Variants in SESTD1 observed in about 807,000 individuals in gnomAD.
SESTD1 encodes the protein SEC14 and spectrin domain containing 1, also known as SEC14 domain and spectrin repeat-containing protein 1.
A neutral mutation model predicts 101.7 loss-of-function variants in SESTD1; 43 were observed. The ratio of observed to expected loss-of-function variants is 0.42; its 90% CI spans 0.33 to 0.55. The LOEUF (loss-of-function observed/expected upper bound fraction) is 0.55. Ranked by LOEUF, SESTD1 falls within the 20% of genes least tolerant of loss-of-function variation. The pLI, the probability that SESTD1 is intolerant of heterozygous loss-of-function variation, is 0.07. For synonymous variants in SESTD1, 283 were observed against 286.8 expected (o/e 0.99, Z 0.13); for missense variants, 647 against 815.1 (o/e 0.79, Z 2.51).
intron 1 of SESTD1, among the ~76,000 whole-genome samples, chr2:179,244,036 C>T (rs2047194205): frequency 6.6e-6 from 1 of 151,374 alleles, no homozygotes; most frequent in Non-Finnish European, 1.5e-5. Context: ...CAGCAGGAGC[C>T]TCACTAAGCC....
At chr2:179,181,991 TAAA>T (rs35017699) in intron 3 of SESTD1, among the ~76,000 whole-genome samples, 4 of 139,610 alleles carry the variant, frequency 2.9e-5, no homozygotes, top group Non-Finnish European at 1.6e-5. Context: ...TCCACAATAT[TAAA>T]AAAAAAAAAA....
chr2:179,245,125 C>A (rs1044402730), intron 1 of SESTD1, among the ~76,000 whole-genome samples: 4 of 152,116 alleles, frequency 2.6e-5, no homozygotes, highest in Non-Finnish European at 5.9e-5. Flanking sequence ...GAGGTTAAGG[C>A]AGGAGTATTG....
At chr2:179,203,830 G>A (rs1346781870) in intron 1 of SESTD1, among the ~76,000 whole-genome samples, 1 of 133,990 alleles carries the variant, frequency 7.5e-6, no homozygotes, top group African/African-American at 3.0e-5. Flanking sequence ...CTACTAAGGA[G>A]GCTGTGGTGG....
At chr2:179,252,386 G>A (rs923356443) in intron 1 of SESTD1, among the ~76,000 whole-genome samples, 1 of 152,170 alleles carries the variant, frequency 6.6e-6, no homozygotes, top group Non-Finnish European at 1.5e-5. Context: ...CTGTGGTATT[G>A]AGCTTTCATC....
chr2:179,193,471 C>G (rs1312933687), intron 1 of SESTD1, among the ~76,000 whole-genome samples: 1 of 152,144 alleles, frequency 6.6e-6, no homozygotes, highest in Admixed American at 6.5e-5. Flanking sequence ...TCCAGTTATA[C>G]AAGAACCCAG....
At chr2:179,254,771 T>C (rs566599135) in intron 1 of SESTD1, among the ~76,000 whole-genome samples, 2 of 152,368 alleles carry the variant, frequency 1.3e-5, no homozygotes, top group South Asian at 4.1e-4. Flanking sequence ...TATATTTACA[T>C]GCATATCTCA....
rs750552781 is a variant in SESTD1 at position 179,112,738 on chromosome 2, T to A, written c.1947A>T (p.Val649=). Residue 649 remains valine, a synonymous_variant, in exon 17 of 18, where the codon GTA becomes GTT. Transcript: ENST00000428443. ...ATGCCCCATACCCATCAGGATAAAC[T>A]ACTGGAACAGTTAATCTATCCAAAA... The part of the protein sequence containing the change: ...KSLLDRLTVP[V]VYPDGTEQYF... 1.2e-6 allele frequency: 2 copies of A among 1,612,244 alleles called. No individual in the cohort carries two copies. Among genetic ancestry groups the A allele is most frequent in the Non-Finnish European group, 1.7e-6 (2 of 1,179,868 alleles).
intron 1 of SESTD1, among the ~76,000 whole-genome samples, chr2:179,193,455 T>C (rs960030858): frequency 6.6e-6 from 1 of 152,106 alleles, no homozygotes; most frequent in South Asian, 2.1e-4. Context: ...TCATGATGAG[T>C]TGTTATCCAG....
intron 9 of SESTD1, among the ~76,000 whole-genome samples, chr2:179,136,967 C>T (rs976799557): frequency 6.6e-6 from 1 of 152,032 alleles, no homozygotes; most frequent in Non-Finnish European, 1.5e-5. Context: ...AATGTAGACA[C>T]AGTAAATATG....
chr2:179,247,504 A>G lies in SESTD1; in HGVS notation c.-26+16995T>C, dbSNP rs1449460374. 2.6e-5 allele frequency among the ~76,000 whole-genome samples: 4 copies of G among 152,182 alleles called. No homozygotes were observed. In the East Asian group the frequency reaches 7.7e-4, roughly 29 times the overall value. On this transcript the variant is annotated intron_variant, in intron 1 of 17. Coordinates refer to ENST00000428443, the MANE Select transcript of SESTD1 (RefSeq NM_178123.5). The stretch of plus-strand genomic sequence containing the variant: ...CAGTGGCACCTTCTTAGTTAACTGC[A>G]GCCTAGAACTCTTTGTCTCACACAA...
intron 1 of SESTD1, among the ~76,000 whole-genome samples, chr2:179,260,578 T>G (rs1258664225): frequency 6.6e-6 from 1 of 152,142 alleles, no homozygotes; most frequent in Admixed American, 6.5e-5. Context: ...AGTTGTCAGA[T>G]GATTTCTAGT....
intron 16 of SESTD1, among the ~76,000 whole-genome samples, chr2:179,113,356 AGAT>A (rs1388232198): frequency 6.6e-6 from 1 of 152,232 alleles, no homozygotes; most frequent in South Asian, 2.1e-4. Flanking sequence ...CAACTCAGCT[AGAT>A]GATAATATTT....
chr2:179,115,831 A>G (rs1471569761), intron 15 of SESTD1, among the ~76,000 whole-genome samples: 1 of 152,116 alleles, frequency 6.6e-6, no homozygotes, highest in Non-Finnish European at 1.5e-5. Context: ...TGTTTCCCCC[A>G]TCGCAGTCTG....
intron 2 of SESTD1, among the ~76,000 whole-genome samples, chr2:179,188,725 G>C (rs767695926): frequency 6.6e-6 from 1 of 152,106 alleles, no homozygotes; most frequent in Non-Finnish European, 1.5e-5. Context: ...AGAAAAAAAA[G>C]AGAGGAGATC....
At chr2:179,111,064 G>C (rs746559764) in intron 17 of SESTD1, among the ~76,000 whole-genome samples, 7 of 152,152 alleles carry the variant, frequency 4.6e-5, no homozygotes, top group Non-Finnish European at 8.8e-5. Context: ...ACAGGAGACT[G>C]ACTGTGTGAC....
intron 2 of SESTD1, among the ~76,000 whole-genome samples, chr2:179,191,246 T>TA (rs1423044909): frequency 1.1e-4 from 16 of 152,012 alleles, no homozygotes; most frequent in East Asian, 3.9e-4. Context: ...TATGCAGCTG[T>TA]AAAAAAACAG....
intron 1 of SESTD1, among the ~76,000 whole-genome samples, chr2:179,236,200 A>G (rs758525410): frequency 5.3e-5 from 8 of 151,998 alleles, no homozygotes; most frequent in Non-Finnish European, 1.0e-4. Context: ...ATGAGTAATT[A>G]TATGTAGCCA....
At chr2:179,256,718 A>G (rs1244601727) in intron 1 of SESTD1, among the ~76,000 whole-genome samples, 4 of 150,768 alleles carry the variant, frequency 2.7e-5, no homozygotes, top group African/African-American at 9.8e-5. Context: ...AAGCTGAGAC[A>G]GGAGAATCAC....
At chr2:179,171,568 C>T (rs1334253609) in intron 5 of SESTD1, among the ~76,000 whole-genome samples, 4 of 152,098 alleles carry the variant, frequency 2.6e-5, no homozygotes, top group Non-Finnish European at 5.9e-5. Flanking sequence ...TGAGAATTAA[C>T]AGGTGTGGAA....
Sources: gnomAD v4.1 joint callset for allele counts (sites outside exome capture counted in the v4.1 genomes callset) on GRCh38, gnomAD v4.1.1 for gene constraint, MANE v1.5 for transcripts, NCBI Gene and HGNC (gene_info 2026-07-23, HGNC 2026-07-21) for gene names.